Variants in HS6ST3 observed in about 807,000 individuals in gnomAD.
The protein encoded by HS6ST3 is heparan sulfate 6-O-sulfotransferase 3.
Under a neutral mutation model 36.7 loss-of-function variants are expected in HS6ST3, and 12 were observed. The observed-to-expected ratio is 0.33, with a 90% confidence interval of 0.21 to 0.53. The LOEUF (loss-of-function observed/expected upper bound fraction) is 0.53, where lower values mean the gene tolerates loss of function less well. HS6ST3 is among the 20% of genes least tolerant of loss of function. The pLI is 0.95. For missense variants in HS6ST3, 584 were observed against 640.9 expected (o/e 0.91, Z 0.96); for synonymous variants, 240 against 257.5 (o/e 0.93, Z 0.65).
At chr13:96,179,415 A>G (rs1029609031) in intron 1 of HS6ST3, among the ~76,000 whole-genome samples, 1 of 152,190 alleles carries the variant, frequency 6.6e-6, no homozygotes, top group Non-Finnish European at 1.5e-5. Context: ...GTTTCTGATA[A>G]TGCCATCTTT....
At chr13:96,505,151 A>G (rs1209174122) in intron 1 of HS6ST3, among the ~76,000 whole-genome samples, 2 of 152,208 alleles carry the variant, frequency 1.3e-5, no homozygotes, top group African/African-American at 4.8e-5. Flanking sequence ...GAACAAATTT[A>G]TTCCTTTGTA....
chr13:96,792,137 A>C (rs1877807092), intron 1 of HS6ST3, among the ~76,000 whole-genome samples: 1 of 152,080 alleles, frequency 6.6e-6, no homozygotes, highest in African/African-American at 2.4e-5. Flanking sequence ...TGGAAAAAGT[A>C]AAAATCATCT....
At chr13:96,114,391 C>T (rs2053884273) in intron 1 of HS6ST3, among the ~76,000 whole-genome samples, 1 of 152,114 alleles carries the variant, frequency 6.6e-6, no homozygotes, top group Non-Finnish European at 1.5e-5. Flanking sequence ...CTCAAGTAAT[C>T]CTTCTCCCTT....
At chr13:96,738,402 A>ATACCTAATGCTAGATGACACATT (rs1876341430) in intron 1 of HS6ST3, among the ~76,000 whole-genome samples, 1 of 151,292 alleles carries the variant, frequency 6.6e-6, no homozygotes, top group Non-Finnish European at 1.5e-5. Flanking sequence ...AAATTCTGAT[A>ATACCTAATGCTAGATGACACATT]AAATGGAATA....
intron 1 of HS6ST3, among the ~76,000 whole-genome samples, chr13:96,566,758 A>G (rs923443185): frequency 1.3e-5 from 2 of 152,188 alleles, no homozygotes; most frequent in African/African-American, 2.4e-5. Context: ...ATCACAAACC[A>G]TATTGAGAAG....
At chr13:96,273,142 C>T (rs1318219659) in intron 1 of HS6ST3, among the ~76,000 whole-genome samples, 1 of 151,956 alleles carries the variant, frequency 6.6e-6, no homozygotes, top group Non-Finnish European at 1.5e-5. Flanking sequence ...GCTAGAGTTT[C>T]TAAGTCCTTA....
intron 1 of HS6ST3, among the ~76,000 whole-genome samples, chr13:96,397,655 AT>A (rs1266369606): frequency 2.6e-5 from 4 of 152,210 alleles, no homozygotes; most frequent in Non-Finnish European, 5.9e-5. Context: ...AATCCTGAAA[AT>A]TTCTTGTCAG....
chr13:96,834,138 T>C lies in HS6ST3; in HGVS notation c.*940T>C, dbSNP rs1241248072. ...GAGTTTAATCTTTTTGGAGAAGTTA[T>C]GTTCTTTAATCGGGTACTACCAGTC... On this transcript the variant is annotated 3_prime_UTR_variant, in exon 2 of 2. Transcript: ENST00000376705. The C allele has an allele frequency of 6.6e-6, 1 of 152,222 alleles. No homozygotes were observed. The highest frequency in any genetic ancestry group is 2.4e-5 in the African/African-American group (1 of 41,454). 9.4% of individuals were successfully genotyped at this position (152,222 alleles called of 1,614,324 possible).
At chr13:96,519,064 G>C (rs1326450123) in intron 1 of HS6ST3, among the ~76,000 whole-genome samples, 1 of 152,162 alleles carries the variant, frequency 6.6e-6, no homozygotes, top group Admixed American at 6.5e-5. Context: ...TTATTGGTAA[G>C]TTGTCTAAAA....
intron 1 of HS6ST3, among the ~76,000 whole-genome samples, chr13:96,663,747 A>T (rs572752439): frequency 1.3e-5 from 2 of 152,222 alleles, no homozygotes; most frequent in Non-Finnish European, 2.9e-5. Context: ...TCAAACGTCC[A>T]TCAATTTTAA....
At chr13:96,173,137 G>T (rs757483615) in intron 1 of HS6ST3, among the ~76,000 whole-genome samples, 2 of 152,130 alleles carry the variant, frequency 1.3e-5, no homozygotes, top group Non-Finnish European at 1.5e-5. Context: ...AGATATATGT[G>T]CTGTGATGAA....
chr13:96,217,056 T>C (rs536392485), intron 1 of HS6ST3, among the ~76,000 whole-genome samples: 14 of 152,128 alleles, frequency 9.2e-5, no homozygotes, highest in Admixed American at 3.3e-4. Context: ...GTCTGGAACC[T>C]GCTCATCTCC....
At chr13:96,180,466 A>G (rs747440026) in intron 1 of HS6ST3, among the ~76,000 whole-genome samples, 5 of 152,220 alleles carry the variant, frequency 3.3e-5, no homozygotes, top group African/African-American at 7.2e-5. Flanking sequence ...GCTTTTATTC[A>G]TAAAACTTTA....
chr13:96,249,050 C>T (rs1397627106), intron 1 of HS6ST3, among the ~76,000 whole-genome samples: 1 of 152,118 alleles, frequency 6.6e-6, no homozygotes. Context: ...TCATTGTCCT[C>T]TGGTCTTCTC....
At chr13:96,158,584 C>T (rs1173023760) in intron 1 of HS6ST3, among the ~76,000 whole-genome samples, 2 of 141,042 alleles carry the variant, frequency 1.4e-5, no homozygotes, top group East Asian at 2.1e-4. Flanking sequence ...ACCCGGGAGG[C>T]CGAGATTGCA....
At chr13:96,656,890 C>T (rs949316899) in intron 1 of HS6ST3, among the ~76,000 whole-genome samples, 2 of 151,626 alleles carry the variant, frequency 1.3e-5, no homozygotes, top group East Asian at 1.9e-4. Context: ...GAATGTGTCA[C>T]GGCCAGATGC....
intron 1 of HS6ST3, among the ~76,000 whole-genome samples, chr13:96,785,004 C>A (rs911069874): frequency 5.3e-5 from 8 of 151,948 alleles, no homozygotes; most frequent in African/African-American, 1.9e-4. Context: ...CCTGTCTCTA[C>A]GAAAAATACA....
intron 1 of HS6ST3, among the ~76,000 whole-genome samples, chr13:96,806,148 TG>T (rs886938690): frequency 1.3e-5 from 2 of 152,216 alleles, no homozygotes; most frequent in African/African-American, 4.8e-5. Context: ...CTTATCAATG[TG>T]GTGGAAACTA....
intron 1 of HS6ST3, among the ~76,000 whole-genome samples, chr13:96,490,062 C>T (rs2055937042): frequency 1.3e-5 from 2 of 152,108 alleles, no homozygotes; most frequent in African/African-American, 2.4e-5. Context: ...ATTAAATAGC[C>T]TCATATGGGG....
Sources: allele counts gnomAD v4.1 joint callset (sites outside exome capture counted in the v4.1 genomes callset), GRCh38; gene constraint gnomAD v4.1.1; transcripts MANE v1.5; gene names NCBI Gene and HGNC (gene_info 2026-07-23, HGNC 2026-07-21).